Variants in DNAH14 observed in about 807,000 individuals in gnomAD.
The protein encoded by DNAH14 is axonemal beta dynein heavy chain 14.
Under a neutral mutation model 520.9 loss-of-function variants are expected in DNAH14, and 478 were observed. That is an observed-to-expected ratio of 0.92 (90% confidence interval 0.85 to 0.99). The LOEUF (loss-of-function observed/expected upper bound fraction) is 0.99, where lower values mean the gene tolerates loss of function less well. DNAH14 is among the 50% of genes least tolerant of loss of function. The probability of loss-of-function intolerance (pLI) is 0.00; values close to 1 mark genes in which losing one functional copy is unlikely to be tolerated. For synonymous variants in DNAH14, 1,581 were observed against 1,757.2 expected (o/e 0.90, Z 2.51); for missense variants, 4,831 against 5,234.5 (o/e 0.92, Z 2.38).
At chr1:225,052,165 G>A (rs1016652482) in intron 17 of DNAH14, among the ~76,000 whole-genome samples, 3 of 152,074 alleles carry the variant, frequency 2.0e-5, no homozygotes, top group African/African-American at 7.2e-5. Flanking sequence ...AAGCTATGGA[G>A]TATCTAAGAT....
In DNAH14 at chr1:225,123,625, G is replaced by A; in HGVS notation, c.4254+11G>A. The A allele has an allele frequency of 2.4e-6, 1 of 411,778 alleles. No homozygotes were observed. The allele number at this position is 411,778 out of a possible 1,614,324, so 25.5% of individuals were successfully genotyped here. On this transcript the variant is annotated intron_variant, in intron 27 of 85. Coordinates refer to ENST00000682510, the MANE Select transcript of DNAH14 (RefSeq NM_001367479.1). Reference sequence around the variant, plus strand: ...GTGGTACTTACTGTGGTAAGTTAATGCTGCTTTGATGTATGTATACAGGGA... The same window carrying A: ...GTGGTACTTACTGTGGTAAGTTAATACTGCTTTGATGTATGTATACAGGGA...
intron 79 of DNAH14, among the ~76,000 whole-genome samples, chr1:225,377,779 C>T (rs1381692119): frequency 6.6e-6 from 1 of 151,954 alleles, no homozygotes; most frequent in Non-Finnish European, 1.5e-5. Context: ...TCTAATTTTT[C>T]AATTTGTACG....
chr1:224,943,543 AGT>A (rs2059577352), intron 1 of DNAH14, among the ~76,000 whole-genome samples: 1 of 151,932 alleles, frequency 6.6e-6, no homozygotes, highest in Non-Finnish European at 1.5e-5. Context: ...CTAGCTTTTC[AGT>A]GTGTTTGCTC....
At chr1:225,324,509 T>A (rs2094615472) in intron 63 of DNAH14, among the ~76,000 whole-genome samples, 156 bp downstream of exon 63, 1 of 152,230 alleles carries the variant, frequency 6.6e-6, no homozygotes, top group Admixed American at 6.5e-5. Flanking sequence ...CACACAGATG[T>A]CAAGTGCTCC....
Position 225,085,632 on chromosome 1 carries a change from A to C in DNAH14, c.3416A>C (p.Asp1139Ala). 1 of 1,551,196 alleles carries C rather than the reference A, an allele frequency of 6.4e-7. No homozygotes were observed. The change falls in exon 21 of 86, where the codon GAT becomes GCT. Residue 1139 changes from aspartate (D) to alanine (A), a missense_variant. Coordinates refer to ENST00000682510, the MANE Select transcript of DNAH14 (RefSeq NM_001367479.1). ...GAAAAAATGCTATTTAAGATTATTG[A>C]TTTTTGGAACACTACTCCTTTGCCT... ...ALEKMLFKII[D>A]FWNTTPLPLI...
At chr1:225,048,434 C>G (rs930577727) in intron 15 of DNAH14, among the ~76,000 whole-genome samples, 5 of 152,132 alleles carry the variant, frequency 3.3e-5, no homozygotes, top group African/African-American at 7.2e-5. Context: ...CCCAGGAGGT[C>G]AAGGCGCAGT....
At chr1:225,392,577 T>C in intron 84 of DNAH14, 126 bp downstream of exon 84, 1 of 1,176,574 alleles carries the variant, frequency 8.5e-7, no homozygotes, top group South Asian at 1.6e-5. Context: ...GACAGGCAGA[T>C]CAACAAGCCC....
At chr1:225,078,881 TCTCTCTCTC>T (rs2072747029) in intron 17 of DNAH14, among the ~76,000 whole-genome samples, 1 of 130,840 alleles carries the variant, frequency 7.6e-6, no homozygotes, top group Non-Finnish European at 1.6e-5. Context: ...TCTCTCTCTC[TCTCTCTCTC>T]TCTCTCTCCC....
intron 76 of DNAH14, among the ~76,000 whole-genome samples, chr1:225,366,091 T>C (rs2150590139): frequency 6.6e-6 from 1 of 152,226 alleles, no homozygotes; most frequent in Non-Finnish European, 1.5e-5. Context: ...ATTTTAAAAA[T>C]AAAAGTTCAG....
At chr1:225,064,921 A>T (rs1431248892) in intron 17 of DNAH14, among the ~76,000 whole-genome samples, 1 of 152,002 alleles carries the variant, frequency 6.6e-6, no homozygotes, top group Non-Finnish European at 1.5e-5. Flanking sequence ...ATGTTTCAGC[A>T]CAAATGATTT....
At chr1:225,223,691 C>T (rs973152856) in intron 41 of DNAH14, among the ~76,000 whole-genome samples, 2 of 152,154 alleles carry the variant, frequency 1.3e-5, no homozygotes, top group Admixed American at 6.6e-5. Context: ...GACTTCTATA[C>T]TATTCCCCTT....
chr1:224,975,562 C>T (rs990991935), intron 8 of DNAH14, among the ~76,000 whole-genome samples: 107 of 151,580 alleles, frequency 7.1e-4, no homozygotes, highest in Admixed American at 1.6e-3. Flanking sequence ...TCTGTGGGAT[C>T]GGTGGTGATA....
rs1366750163 is a variant in DNAH14 at position 225,153,809 on chromosome 1, G to T, written c.5256G>T (p.Lys1752Asn). Residue 1752 changes from lysine to asparagine, a missense_variant, in exon 34 of 86, where the codon AAG becomes AAT. Transcript: ENST00000682510. ...LKIVLIMAGT[K>N]KREFKCDTSD... Reference sequence around the variant, plus strand: ...TAGTTTTAATAATGGCTGGAACGAAGAAACGGGAGTTTAAATGGTCAGTTG... The same window carrying T: ...TAGTTTTAATAATGGCTGGAACGAATAAACGGGAGTTTAAATGGTCAGTTG... 1 of 1,550,114 alleles carries T rather than the reference G, an allele frequency of 6.5e-7. No individual in the cohort carries two copies. Among genetic ancestry groups the T allele is most frequent in the Admixed American group, 2.0e-5 (1 of 50,938 alleles).
chr1:225,312,271 G>A (rs1280336592), intron 60 of DNAH14, among the ~76,000 whole-genome samples: 1 of 152,116 alleles, frequency 6.6e-6, no homozygotes, highest in Non-Finnish European at 1.5e-5. Context: ...ATATATGAAT[G>A]CTTGTGATTT....
chr1:225,222,668 G>T (rs1398274159), intron 41 of DNAH14, among the ~76,000 whole-genome samples: 1 of 152,090 alleles, frequency 6.6e-6, no homozygotes, highest in South Asian at 2.1e-4. Flanking sequence ...CAGAACACTG[G>T]TGCATTTTAC....
chr1:224,950,785 A>G (rs2060117579), intron 1 of DNAH14, among the ~76,000 whole-genome samples: 1 of 152,256 alleles, frequency 6.6e-6, no homozygotes, highest in Non-Finnish European at 1.5e-5. Context: ...CACTTTAGTG[A>G]TAGGTAACAC....
At chr1:225,007,231 A>C (rs1197314852) in intron 9 of DNAH14, among the ~76,000 whole-genome samples, 182 bp from the exon 10 acceptor site, 1 of 152,218 alleles carries the variant, frequency 6.6e-6, no homozygotes, top group Non-Finnish European at 1.5e-5. Context: ...CTGTATTTTA[A>C]TCAAGATTTA....
rs1008956420 is a variant in DNAH14 at position 225,192,932 on chromosome 1, A to G, written c.5886+21A>G. ...CCAATGTAAGTTTAGTATTGAATGA[A>G]TGTTTTTATTTAACTAATGTGGATT... On this transcript the variant is annotated intron_variant, in intron 38 of 85. Coordinates refer to ENST00000682510, the MANE Select transcript of DNAH14 (RefSeq NM_001367479.1). 2.0e-6 allele frequency: 3 copies of G among 1,507,980 alleles called. No individual in the cohort carries two copies. The African/African-American group carries it at 4.2e-5, about 21-fold the overall frequency. 93.4% of individuals were successfully genotyped at this position (1,507,980 alleles called of 1,614,324 possible). A position where few individuals can be genotyped will look rare whatever the true frequency, so the allele number is the denominator to read the frequency against.
intron 17 of DNAH14, among the ~76,000 whole-genome samples, chr1:225,068,023 A>G (rs1314821221): frequency 1.3e-5 from 2 of 152,186 alleles, no homozygotes; most frequent in Non-Finnish European, 2.9e-5. Flanking sequence ...ATCTTTGCCC[A>G]TGCCTATGTC....
Sources: gnomAD v4.1 joint callset for allele counts (sites outside exome capture counted in the v4.1 genomes callset) on GRCh38, gnomAD v4.1.1 for gene constraint, MANE v1.5 for transcripts, NCBI Gene and HGNC (gene_info 2026-07-23, HGNC 2026-07-21) for gene names.